Variants in CACNG4 observed in about 807,000 individuals in gnomAD.
The protein encoded by CACNG4 is calcium voltage-gated channel auxiliary subunit gamma 4.
Under a neutral mutation model 22.9 loss-of-function variants are expected in CACNG4, and 8 were observed. The observed-to-expected ratio is 0.35, with a 90% CI of 0.21 to 0.63. The LOEUF is 0.63. Ranked by LOEUF, CACNG4 falls within the 30% of genes least tolerant of loss-of-function variation. CACNG4 has a pLI of 0.72. For synonymous variants in CACNG4, 188 were observed against 191.9 expected (o/e 0.98, Z 0.17); for missense variants, 357 against 455.4 (o/e 0.78, Z 1.97).
At chr17:66,987,427 A>G (rs2035311479) in intron 1 of CACNG4, among the ~76,000 whole-genome samples, 1 of 152,180 alleles carries the variant, frequency 6.6e-6, no homozygotes. Flanking sequence ...CTAAATGGTC[A>G]TTATCATTAC....
chr17:67,004,599 T>G (rs1481060234), intron 1 of CACNG4, among the ~76,000 whole-genome samples: 3 of 152,206 alleles, frequency 2.0e-5, no homozygotes, highest in African/African-American at 7.2e-5. Context: ...GAGTAGAGCC[T>G]GGGCTTTGGA....
intron 1 of CACNG4, among the ~76,000 whole-genome samples, chr17:67,000,527 G>C (rs1403101669): frequency 6.6e-6 from 1 of 152,194 alleles, no homozygotes; most frequent in Non-Finnish European, 1.5e-5. Context: ...AGCCAGGAGA[G>C]GGGGCAAGGG....
chr17:67,029,041 T>C (rs1173091859), intron 3 of CACNG4, among the ~76,000 whole-genome samples: 6 of 152,098 alleles, frequency 3.9e-5, no homozygotes, highest in African/African-American at 9.6e-5. Context: ...CCCAGTAAAA[T>C]CCAAGTAAAG....
chr17:67,030,782 C>T lies in CACNG4; in HGVS notation c.762C>T (p.Pro254=), dbSNP rs1293310790. 1.9e-6 allele frequency: 3 copies of T among 1,614,208 alleles called. No individual in the cohort carries two copies. Among genetic ancestry groups the T allele is most frequent in the Non-Finnish European group, 2.5e-6 (3 of 1,180,048 alleles). ...RSSSRSTEAS[P]SRDVSPMGLK... ...GCTCAAGGTCCACCGAGGCCTCGCCCTCCAGGGACGTGTCGCCCATGGGCC... is the reference window on the plus strand; with the variant it reads ...GCTCAAGGTCCACCGAGGCCTCGCCTTCCAGGGACGTGTCGCCCATGGGCC... The change falls in exon 4 of 4, where the codon CCC becomes CCT. Residue 254 remains proline (P), a synonymous_variant. Coordinates refer to ENST00000262138, the MANE Select transcript of CACNG4 (RefSeq NM_014405.4). The surrounding 1 kb of genome is among the most constrained non-coding windows in gnomAD (Gnocchi z 6.4).
At chr17:66,965,221 CA>C in intron 1 of CACNG4, 90 bp downstream of exon 1, 4 of 772,774 alleles carry the variant, frequency 5.2e-6, no homozygotes, top group South Asian at 2.0e-5. Context: ...CGCACACACA[CA>C]CACGCGCACA....
At chr17:66,980,181 T>G (rs1225189663) in intron 1 of CACNG4, among the ~76,000 whole-genome samples, 1 of 152,254 alleles carries the variant, frequency 6.6e-6, no homozygotes, top group Non-Finnish European at 1.5e-5. Flanking sequence ...TCAAAGCCTT[T>G]GCAAGCCAAC....
At chr17:67,017,952 C>T (rs1047598462) in intron 1 of CACNG4, among the ~76,000 whole-genome samples, 1 of 152,132 alleles carries the variant, frequency 6.6e-6, no homozygotes, top group Non-Finnish European at 1.5e-5. Flanking sequence ...CTCTCACGTG[C>T]GTCCACCCTT....
At chr17:66,990,476 G>T (rs1351495254) in intron 1 of CACNG4, among the ~76,000 whole-genome samples, 2 of 152,094 alleles carry the variant, frequency 1.3e-5, no homozygotes, top group African/African-American at 4.8e-5. Context: ...CAGCGGGTGG[G>T]TATCTTTCGG....
chr17:66,987,875 G>A (rs2035313687), intron 1 of CACNG4, among the ~76,000 whole-genome samples: 1 of 152,000 alleles, frequency 6.6e-6, no homozygotes, highest in Non-Finnish European at 1.5e-5. Flanking sequence ...TTCAGCTGGT[G>A]AGCAGAGCTT....
At chr17:66,995,145 C>T (rs574991135) in intron 1 of CACNG4, among the ~76,000 whole-genome samples, 15 of 152,276 alleles carry the variant, frequency 9.9e-5, no homozygotes, top group Non-Finnish European at 1.5e-4. Flanking sequence ...GCCCTGGCGC[C>T]CTCACGCCAC....
At chr17:67,012,792 C>T (rs1449990317) in intron 1 of CACNG4, among the ~76,000 whole-genome samples, 1 of 152,184 alleles carries the variant, frequency 6.6e-6, no homozygotes. Flanking sequence ...TGGTCGCTCG[C>T]GGCAGCCATG....
intron 2 of CACNG4, among the ~76,000 whole-genome samples, chr17:67,022,075 G>C (rs1316002086): frequency 8.4e-6 from 1 of 119,362 alleles, no homozygotes; most frequent in Non-Finnish European, 1.9e-5. Context: ...GAGCAACTGG[G>C]CTTTTTTTTT....
intron 3 of CACNG4, among the ~76,000 whole-genome samples, chr17:67,026,915 T>C (rs986711043): frequency 6.9e-6 from 1 of 143,960 alleles, no homozygotes; most frequent in Admixed American, 7.0e-5. Flanking sequence ...CTCTCTCTCC[T>C]GCCCCAGTGC....
chr17:66,985,463 G>A (rs1466682449), intron 1 of CACNG4, among the ~76,000 whole-genome samples: 1 of 152,212 alleles, frequency 6.6e-6, no homozygotes, highest in African/African-American at 2.4e-5. Context: ...GGCTTGTGAT[G>A]TTAGAGTGTC....
In CACNG4 at chr17:66,964,937, A is replaced by G; in HGVS notation, c.26A>G (p.Gln9Arg). 3 of 1,588,040 alleles carry G rather than the reference A, an allele frequency of 1.9e-6. No homozygotes were observed. Among genetic ancestry groups the G allele is most frequent in the Non-Finnish European group, 2.6e-6 (3 of 1,169,746 alleles). Residue 9 changes from glutamine (Q) to arginine (R), a missense_variant, in exon 1 of 4, where the codon CAG (glutamine) becomes CGG (arginine). Gln to Arg is a conservative substitution (Grantham distance 43). This residue lies in a region of CACNG4 where 114 missense variants were observed against 161.6 expected (regional missense o/e 0.71). Transcript: ENST00000262138. MVRCDRGLQMLLTTAGAFA... is the reference protein window; with the variant it reads MVRCDRGLRMLLTTAGAFA... ...ATGGTGCGATGCGACCGCGGGCTGCAGATGCTGCTGACCACGGCCGGAGCC... is the reference window on the plus strand; with the variant it reads ...ATGGTGCGATGCGACCGCGGGCTGCGGATGCTGCTGACCACGGCCGGAGCC...
At chr17:66,979,346 G>A (rs1567750404) in intron 1 of CACNG4, among the ~76,000 whole-genome samples, 1 of 151,398 alleles carries the variant, frequency 6.6e-6, no homozygotes, top group Admixed American at 6.6e-5. Flanking sequence ...AGTTCTTGAA[G>A]CATTTCCTAG....
Position 66,964,840 on chromosome 17 carries a change from G to A in CACNG4, c.-72G>A. 3 of 935,132 alleles carry A rather than the reference G, an allele frequency of 3.2e-6. No individual in the cohort carries two copies. Among genetic ancestry groups the A allele is most frequent in the Non-Finnish European group, 4.0e-6 (3 of 758,152 alleles). 57.9% of individuals were successfully genotyped at this position (935,132 alleles called of 1,614,324 possible). ...CCCCAACCCCGGCGCCCCCGGAGCG[G>A]CGCGCGGAGGGAGGAGGGCGGGCGG... On this transcript the variant is annotated 5_prime_UTR_variant, in exon 1 of 4. Transcript: ENST00000262138.
chr17:66,992,752 A>G (rs1036254958), intron 1 of CACNG4, among the ~76,000 whole-genome samples: 7 of 152,256 alleles, frequency 4.6e-5, no homozygotes, highest in African/African-American at 1.7e-4. Context: ...GGATGAGCCC[A>G]AAGCTGGACT....
chr17:67,014,605 G>C (rs2035486268), intron 1 of CACNG4, among the ~76,000 whole-genome samples: 2 of 152,092 alleles, frequency 1.3e-5, no homozygotes, highest in Admixed American at 6.6e-5. Flanking sequence ...AACAAGCCCA[G>C]AGGAGGGAGC....
Sources: gnomAD v4.1 joint callset for allele counts (sites outside exome capture counted in the v4.1 genomes callset) on GRCh38, gnomAD v4.1.1 for gene constraint, gnomAD v4.1.1 regional missense constraint, Gnocchi (gnomAD v3.1) non-coding constraint, MANE v1.5 for transcripts, NCBI Gene and HGNC (gene_info 2026-07-23, HGNC 2026-07-21) for gene names.